Variants in LIPN observed in about 807,000 individuals in gnomAD.
LIPN encodes lipase member N.
In LIPN, 32 loss-of-function variants were observed where a neutral mutation model predicts 43.7. The observed-to-expected ratio is 0.73, with a 90% CI of 0.55 to 0.98. The LOEUF (loss-of-function observed/expected upper bound fraction) is 0.98. LIPN is among the 50% of genes least tolerant of loss of function. The pLI, the probability that LIPN is intolerant of heterozygous loss-of-function variation, is 0.00. For missense variants in LIPN, 505 were observed against 483.8 expected, an observed-to-expected ratio of 1.04 and a Z score of -0.41; for synonymous variants, 156 against 157.6, an observed-to-expected ratio of 0.99 and a Z score of 0.08.
At chr10:88,767,182 CAGTTT>C (rs1843116733) in intron 5 of LIPN, among the ~76,000 whole-genome samples, 1 of 151,812 alleles carries the variant, frequency 6.6e-6, no homozygotes, top group South Asian at 2.1e-4. Flanking sequence ...TGCAATATTT[CAGTTT>C]AGGGAAATAT....
At position 88,778,913 on chromosome 10, in the gene LIPN, C is replaced by T. The variant is rs906431453; in HGVS notation, c.*671C>T. The stretch of plus-strand genomic sequence containing the variant: ...TACAGCATCAATATCATTTTATAAT[C>T]ATAGGGAGGCTTCTTTGTTTAGCAT... On this transcript the variant is annotated 3_prime_UTR_variant, in exon 10 of 10. Coordinates refer to ENST00000404459, the MANE Select transcript of LIPN (RefSeq NM_001102469.2). Among the ~76,000 whole-genome samples, 1 of 152,148 alleles carries T rather than the reference C, an allele frequency of 6.6e-6. No homozygotes were observed. The highest frequency in any genetic ancestry group is 1.5e-5 in the Non-Finnish European group (1 of 68,036).
At position 88,778,855 on chromosome 10, in the gene LIPN, T is replaced by C. The variant is rs1048229048; in HGVS notation, c.*613T>C. ...TTGAACCCATAATAGGATACATGTA[T>C]AAAATCTTCCTTATTAAAGCAGAAA... On this transcript the variant is annotated 3_prime_UTR_variant, in exon 10 of 10. Coordinates refer to ENST00000404459, the MANE Select transcript of LIPN (RefSeq NM_001102469.2). Among the ~76,000 whole-genome samples the C allele has an allele frequency of 1.6e-4, 25 of 152,180 alleles. No individual in the cohort carries two copies. Among genetic ancestry groups the C allele is most frequent in the Admixed American group, 1.5e-3 (23 of 15,268 alleles).
chr10:88,768,584 C>A (rs1843150471), intron 5 of LIPN, among the ~76,000 whole-genome samples: 1 of 151,716 alleles, frequency 6.6e-6, no homozygotes, highest in Non-Finnish European at 1.5e-5. Flanking sequence ...GTCAAACTGT[C>A]CATAAATAGA....
chr10:88,768,982 C>CTTATTAT, intron 6 of LIPN, 54 bp downstream of exon 6: 1 of 1,519,364 alleles, frequency 6.6e-7, no homozygotes, highest in Non-Finnish European at 9.0e-7. Flanking sequence ...ATCATAAATC[C>CTTATTAT]TTATTATTTT....
Position 88,779,360 on chromosome 10 carries a change from T to C in LIPN, c.*1118T>C, listed in dbSNP as rs777569376. Among the ~76,000 whole-genome samples, 8 of 152,200 alleles carry C rather than the reference T, an allele frequency of 5.3e-5. No individual in the cohort carries two copies. The highest frequency in any genetic ancestry group is 3.2e-3 in the Middle Eastern group (1 of 316). On this transcript the variant is annotated 3_prime_UTR_variant, in exon 10 of 10. Transcript: ENST00000404459. Reference sequence around the variant, plus strand: ...GGCAAATCCACAAGCTGCTGGCCCCTGGAGCCATTCTTCTCTCAAAACTAG... The same window carrying C: ...GGCAAATCCACAAGCTGCTGGCCCCCGGAGCCATTCTTCTCTCAAAACTAG...
In LIPN at chr10:88,764,602, C is replaced by A; in HGVS notation, c.419C>A (p.Ala140Asp). 1 of 1,590,354 alleles carries A rather than the reference C, an allele frequency of 6.3e-7. No homozygotes were observed. Among genetic ancestry groups the A allele is most frequent in the Non-Finnish European group, 8.6e-7 (1 of 1,167,924 alleles). ...TCAGAGACAGATGAGAAATTCTGGG[C>A]CTTTAGGTAAATATTAGCTAAGAAA... Reference protein sequence around the residue: ...TLSETDEKFWAFSFDEMAKYD... With the variant: ...TLSETDEKFWDFSFDEMAKYD... The change falls in exon 4 of 10, where the codon GCC (alanine) becomes GAC (aspartate). Residue 140 changes from alanine (A) to aspartate (D), a missense_variant. By Grantham distance (126) the Ala-to-Asp change is moderately radical (BLOSUM62 -2). Transcript: ENST00000404459.
chr10:88,762,116 A>G, intron 2 of LIPN, 72 bp from the exon 3 acceptor site: 1 of 747,924 alleles, frequency 1.3e-6, no homozygotes, highest in Non-Finnish European at 2.3e-6. Flanking sequence ...AGCACACAAC[A>G]GATGGTTTGT....
At chr10:88,774,266 T>G (rs1843258037) in intron 7 of LIPN, among the ~76,000 whole-genome samples, 1 of 152,054 alleles carries the variant, frequency 6.6e-6, no homozygotes, top group African/African-American at 2.4e-5. Context: ...GGTACAGGTG[T>G]GCTGTCAAGC....
At chr10:88,777,047 T>A (rs539515359) in intron 9 of LIPN, among the ~76,000 whole-genome samples, 2 of 152,096 alleles carry the variant, frequency 1.3e-5, no homozygotes. Flanking sequence ...TACTTACTCC[T>A]TAACCTTGTA....
chr10:88,773,202 T>C (rs966213245), intron 7 of LIPN, among the ~76,000 whole-genome samples: 3 of 151,712 alleles, frequency 2.0e-5, no homozygotes, highest in African/African-American at 7.3e-5. Context: ...ACATAGAAGA[T>C]TAAGTACTCA....
chr10:88,777,804 T>TTTAACATA (rs1843319394), intron 9 of LIPN, among the ~76,000 whole-genome samples: 1 of 152,198 alleles, frequency 6.6e-6, no homozygotes, highest in African/African-American at 2.4e-5. Context: ...GTTTATGGCA[T>TTTAACATA]TTAACATACC....
intron 3 of LIPN, 25 bp downstream of exon 3, chr10:88,762,330 AG>A (rs1564578933): frequency 7.1e-7 from 1 of 1,405,288 alleles, no homozygotes; most frequent in Non-Finnish European, 1.0e-6. Context: ...TCTCCTGAAA[AG>A]GGGACTGCAT....
chr10:88,757,971 A>C (rs962512143), upstream of LIPN, among the ~76,000 whole-genome samples: 1 of 152,102 alleles, frequency 6.6e-6, no homozygotes, highest in Non-Finnish European at 1.5e-5. Context: ...TGTGAGGTTC[A>C]AATTATTTAT....
intron 6 of LIPN, among the ~76,000 whole-genome samples, chr10:88,769,374 C>G (rs1843167162): frequency 6.6e-6 from 1 of 151,874 alleles, no homozygotes; most frequent in South Asian, 2.1e-4. Context: ...GAAACTTGCC[C>G]TAATAACTAA....
rs1391028206 is a variant in LIPN at position 88,774,534 on chromosome 10, A to G, written c.881A>G (p.His294Arg). The change falls in exon 8 of 10, where the codon CAT (histidine) becomes CGT (arginine). Residue 294 changes from histidine (H) to arginine (R), a missense_variant. By Grantham distance (29) the His-to-Arg change is conservative. Coordinates refer to ENST00000404459, the MANE Select transcript of LIPN (RefSeq NM_001102469.2). ...GGTTCATCAGTACACAACATTCTGC[A>G]TATAAAACAGGTAGAGTCTTAGTCA... ...PTGSSVHNILHIKQLYHSDEF... is the reference protein window; with the variant it reads ...PTGSSVHNILRIKQLYHSDEF... 1.2e-6 allele frequency: 2 copies of G among 1,609,534 alleles called. No individual in the cohort carries two copies. The highest frequency in any genetic ancestry group is 2.2e-5 in the East Asian group (1 of 44,766).
At chr10:88,767,586 G>T (rs1843124349) in intron 5 of LIPN, among the ~76,000 whole-genome samples, 1 of 125,368 alleles carries the variant, frequency 8.0e-6, no homozygotes, top group African/African-American at 3.0e-5. Context: ...AAGAAGAAAT[G>T]ACTTTAGTTG....
intron 4 of LIPN, among the ~76,000 whole-genome samples, chr10:88,764,812 C>A (rs892456861): frequency 6.6e-6 from 1 of 151,964 alleles, no homozygotes; most frequent in Admixed American, 6.6e-5. Context: ...TCAACAAGAT[C>A]ATTTTTACAT....
intron 7 of LIPN, among the ~76,000 whole-genome samples, chr10:88,771,901 C>T (rs1180388946): frequency 2.0e-5 from 3 of 151,860 alleles, no homozygotes; most frequent in Admixed American, 2.0e-4. Flanking sequence ...CTTTTCTCCA[C>T]ATTCTTGTCA....
At chr10:88,773,756 C>T (rs1843249020) in intron 7 of LIPN, among the ~76,000 whole-genome samples, 1 of 151,970 alleles carries the variant, frequency 6.6e-6, no homozygotes, top group East Asian at 1.9e-4. Flanking sequence ...GACTGAAACC[C>T]ATAAGGAACC....
Sources: gnomAD v4.1 joint callset for allele counts (sites outside exome capture counted in the v4.1 genomes callset) on GRCh38, gnomAD v4.1.1 for gene constraint, MANE v1.5 for transcripts, NCBI Gene and HGNC (gene_info 2026-07-23, HGNC 2026-07-21) for gene names.